SYT16: variants seen among roughly 807,000 people sequenced by gnomAD.
The protein encoded by SYT16 is synaptotagmin 16, also known as synaptotagmin-16.
SYT16 carries 42 observed loss-of-function variants against 61.4 expected under a neutral mutation model. The ratio of observed to expected loss-of-function variants is 0.68; its 90% confidence interval spans 0.53 to 0.89. The LOEUF (loss-of-function observed/expected upper bound fraction) is 0.89. Ranked by LOEUF, SYT16 falls within the 40% of genes least tolerant of loss-of-function variation. SYT16 has a pLI of 0.00. For missense variants in SYT16, 804 were observed against 807.3 expected, an observed-to-expected ratio of 1.00 and a Z score of 0.05; for synonymous variants, 314 against 302.3, an observed-to-expected ratio of 1.04 and a Z score of -0.40.
chr14:62,004,420 C>G (rs1373154847), intron 3 of SYT16, among the ~76,000 whole-genome samples: 3 of 152,080 alleles, frequency 2.0e-5, no homozygotes, highest in African/African-American at 7.2e-5. Flanking sequence ...GATTACAATT[C>G]AAGATGAGGT....
intron 3 of SYT16, among the ~76,000 whole-genome samples, chr14:62,043,952 C>T (rs2054855349): frequency 6.6e-6 from 1 of 152,160 alleles, no homozygotes; most frequent in Non-Finnish European, 1.5e-5. Context: ...GGATTACAGG[C>T]ATGAACCACC....
chr14:62,047,536 C>T (rs1329391054), intron 3 of SYT16, among the ~76,000 whole-genome samples: 1 of 152,164 alleles, frequency 6.6e-6, no homozygotes, highest in Non-Finnish European at 1.5e-5. Flanking sequence ...TGAGAGAGGG[C>T]ATCCCTGTCT....
intron 1 of SYT16, among the ~76,000 whole-genome samples, chr14:61,928,944 A>G (rs2049649260): frequency 6.6e-6 from 1 of 152,254 alleles, no homozygotes; most frequent in Non-Finnish European, 1.5e-5. Context: ...GTGCATAGTC[A>G]TTAGTGACAA....
At chr14:61,943,570 G>C (rs2050296148) in intron 1 of SYT16, among the ~76,000 whole-genome samples, 1 of 152,180 alleles carries the variant, frequency 6.6e-6, no homozygotes, top group Non-Finnish European at 1.5e-5. Context: ...ATGCAAGGCT[G>C]GTTCAACATA....
chr14:61,940,673 A>G (rs188269537), intron 1 of SYT16, among the ~76,000 whole-genome samples: 6 of 152,324 alleles, frequency 3.9e-5, no homozygotes, highest in Non-Finnish European at 8.8e-5. Flanking sequence ...ATAAAGTATA[A>G]TAATTATTAT....
intron 3 of SYT16, among the ~76,000 whole-genome samples, chr14:62,014,989 G>T (rs2053611905): frequency 6.6e-6 from 1 of 152,166 alleles, no homozygotes; most frequent in African/African-American, 2.4e-5. Flanking sequence ...CGTGAAAACT[G>T]TTCATCTTTC....
chr14:61,922,601 T>C (rs1000800538), intron 1 of SYT16, among the ~76,000 whole-genome samples: 2 of 152,058 alleles, frequency 1.3e-5, no homozygotes, highest in Non-Finnish European at 2.9e-5. Context: ...AGTACTTGAG[T>C]GATGAAATAA....
intron 1 of SYT16, among the ~76,000 whole-genome samples, chr14:61,960,773 G>C (rs946957598): frequency 2.0e-5 from 3 of 152,098 alleles, no homozygotes. Context: ...TCCTTGTCTT[G>C]TGCTGGTTTT....
chr14:61,945,844 A>C lies in SYT16; in HGVS notation c.-324-24288A>C. On this transcript the variant is annotated intron_variant, in intron 1 of 7. Coordinates refer to ENST00000683842, the MANE Select transcript of SYT16 (RefSeq NM_001367656.1). ...GCACTCCAGCCTGGGCGACAGAGCG[A>C]GACTCCGTCTCAAAAAAAAAAAAAA... Among the ~76,000 whole-genome samples, 2 of 120,848 alleles carry C rather than the reference A, an allele frequency of 1.7e-5. 1 individual carries two copies. The highest frequency in any genetic ancestry group is 6.3e-4 in the South Asian group (2 of 3,192). The allele number at this position is 120,848 out of a possible 152,430, so 79.3% of individuals were successfully genotyped here. A position where few individuals can be genotyped will look rare whatever the true frequency, so the allele number is the denominator to read the frequency against.
intron 1 of SYT16, among the ~76,000 whole-genome samples, chr14:61,964,811 C>G (rs1439365224): frequency 6.6e-6 from 1 of 151,970 alleles, no homozygotes; most frequent in Non-Finnish European, 1.5e-5. Context: ...CAGCAACTAC[C>G]TGTCCTGATC....
intron 1 of SYT16, among the ~76,000 whole-genome samples, chr14:61,857,603 G>C (rs2046815602): frequency 6.6e-6 from 1 of 152,136 alleles, no homozygotes; most frequent in African/African-American, 2.4e-5. Flanking sequence ...TACTAAAGGA[G>C]AGTGCAGTCA....
At chr14:61,960,881 C>T (rs2051090443) in intron 1 of SYT16, among the ~76,000 whole-genome samples, 1 of 152,064 alleles carries the variant, frequency 6.6e-6, no homozygotes, top group Non-Finnish European at 1.5e-5. Flanking sequence ...TACAAGGCTA[C>T]AGTAACCAAA....
intron 1 of SYT16, among the ~76,000 whole-genome samples, chr14:61,956,461 T>C (rs992030533): frequency 1.3e-5 from 2 of 152,076 alleles, no homozygotes; most frequent in Non-Finnish European, 2.9e-5. Context: ...CATTAATCCA[T>C]TTCGAGTTGA....
intron 1 of SYT16, among the ~76,000 whole-genome samples, chr14:61,903,615 G>A (rs2048598848): frequency 6.6e-6 from 1 of 152,168 alleles, no homozygotes; most frequent in Non-Finnish European, 1.5e-5. Context: ...ACATGACTGG[G>A]CTTAATAAAT....
intron 5 of SYT16, among the ~76,000 whole-genome samples, chr14:62,077,302 C>G (rs2056531094): frequency 6.6e-6 from 1 of 152,170 alleles, no homozygotes. Flanking sequence ...AAGGAAAAGC[C>G]CAGGATATTG....
intron 7 of SYT16, among the ~76,000 whole-genome samples, chr14:62,084,858 GT>G (rs1183109888): frequency 6.6e-6 from 1 of 152,174 alleles, no homozygotes; most frequent in Non-Finnish European, 1.5e-5. Flanking sequence ...GATATTAATA[GT>G]ACCTTCCTGA....
At chr14:61,998,304 A>C (rs1427924363) in intron 3 of SYT16, among the ~76,000 whole-genome samples, 2 of 151,986 alleles carry the variant, frequency 1.3e-5, no homozygotes, top group African/African-American at 4.8e-5. Context: ...CAAAGTATAA[A>C]ATGGTTTTGT....
In SYT16 at chr14:62,108,207, G is replaced by A. The variant is rs1183931397; in HGVS notation, c.*7500G>A. 6.6e-6 allele frequency: 1 copy of A among 152,154 alleles called. No homozygotes were observed. The highest frequency in any genetic ancestry group is 2.4e-5 in the African/African-American group (1 of 41,436). The allele number at this position is 152,154 out of a possible 1,614,324, so 9.4% of individuals were successfully genotyped here. On this transcript the variant is annotated 3_prime_UTR_variant, in exon 8 of 8. Transcript: ENST00000683842. The stretch of plus-strand genomic sequence containing the variant: ...GACTCAACCCATTTTTAAAGCAGGA[G>A]TTTTTCCAATGGATTTATTGTTTAT...
At chr14:61,977,139 T>G (rs1231736755) in intron 2 of SYT16, among the ~76,000 whole-genome samples, 1 of 152,142 alleles carries the variant, frequency 6.6e-6, no homozygotes, top group African/African-American at 2.4e-5. Flanking sequence ...TATTAGCATT[T>G]TGGTCAAAGC....
Sources: gnomAD v4.1 joint callset for allele counts (sites outside exome capture counted in the v4.1 genomes callset) on GRCh38, gnomAD v4.1.1 for gene constraint, MANE v1.5 for transcripts, NCBI Gene and HGNC (gene_info 2026-07-23, HGNC 2026-07-21) for gene names.